LPIN1: variants seen among roughly 807,000 people sequenced by gnomAD.
The protein encoded by LPIN1 is lipin 1.
A neutral mutation model predicts 107.5 loss-of-function variants in LPIN1; 71 were observed. The observed-to-expected ratio is 0.66, with a 90% CI of 0.55 to 0.80. LPIN1 has a LOEUF of 0.80. LPIN1 is among the 30% of genes least tolerant of loss of function. The probability of loss-of-function intolerance (pLI) is 0.00; values close to 1 mark genes in which losing one functional copy is unlikely to be tolerated. For missense variants in LPIN1, 1,043 were observed against 1,160.6 expected (o/e 0.90, Z 1.47); for synonymous variants, 445 against 452.6 (o/e 0.98, Z 0.21).
At chr2:11,702,395 G>A (rs997841833) in intron 1 of LPIN1, among the ~76,000 whole-genome samples, 5 of 152,162 alleles carry the variant, frequency 3.3e-5, no homozygotes, top group African/African-American at 7.2e-5. Context: ...GACAAAAGAG[G>A]TGATTGGGGT....
chr2:11,728,906 A>T (rs1377899782), intron 1 of LPIN1, among the ~76,000 whole-genome samples: 1 of 152,164 alleles, frequency 6.6e-6, no homozygotes, highest in African/African-American at 2.4e-5. Context: ...TTAGACCTTC[A>T]TGAGATGAGT....
chr2:11,723,291 T>G (rs982114758), upstream of LPIN1, among the ~76,000 whole-genome samples: 19 of 152,200 alleles, frequency 1.2e-4, no homozygotes, highest in Non-Finnish European at 2.1e-4. Flanking sequence ...GATTTGGTAC[T>G]AGGCATAGTG....
intron 1 of LPIN1, among the ~76,000 whole-genome samples, chr2:11,730,167 T>C (rs1207981558): frequency 1.3e-5 from 2 of 152,200 alleles, no homozygotes; most frequent in African/African-American, 4.8e-5. Flanking sequence ...GGTTCCTTTT[T>C]TTGTTCTCAC....
rs1359935082 is a variant in LPIN1 at position 11,804,428 on chromosome 2, C to G, written c.2019C>G (p.Ser673Arg). Reference protein sequence around the residue: ...TLRLTSEQLKSLKLKNGPNDV... With the variant: ...TLRLTSEQLKRLKLKNGPNDV... ...TAATGGTTCATGTTTTTCAGAAAAG[C>G]TTGAAGTTGAAGAATGGCCCCAACG... Residue 673 changes from serine to arginine, a missense_variant, in exon 16 of 21, where the codon AGC (serine) becomes AGG (arginine). Physicochemically the swap from Ser to Arg is moderately radical, Grantham distance 110 (BLOSUM62 -1). Transcript: ENST00000674199. The G allele has an allele frequency of 6.2e-7, 1 of 1,614,208 alleles. No homozygotes were observed. Among genetic ancestry groups the G allele is most frequent in the Admixed American group, 1.7e-5 (1 of 60,028 alleles).
Position 11,759,133 on chromosome 2 carries a change from T to TTTCC in LPIN1, c.-9-6398_-9-6397insCCTT, listed in dbSNP as rs1487717396. 1.1e-4 allele frequency among the ~76,000 whole-genome samples: 14 copies of TTTCC among 131,640 alleles called. No individual in the cohort carries two copies. In the East Asian group the frequency reaches 1.1e-3, roughly 10 times the overall value. The allele number at this position is 131,640 out of a possible 152,430, so 86.4% of individuals were successfully genotyped here. On this transcript the variant is annotated intron_variant, in intron 1 of 20. Coordinates refer to ENST00000674199, the MANE Select transcript of LPIN1 (RefSeq NM_001349206.2). ...TGAGCTAGCTAGCTTGCTTTCTTTC[T>TTTCC]TTTCTTTCTTTCTTTCTTTCTTTCT...
At chr2:11,735,139 A>C (rs968914045) in intron 1 of LPIN1, among the ~76,000 whole-genome samples, 2 of 152,118 alleles carry the variant, frequency 1.3e-5, no homozygotes, top group Non-Finnish European at 2.9e-5. Context: ...TAAAAATACA[A>C]AAATTAGCCG....
At position 11,784,894 on chromosome 2, in the gene LPIN1, C is replaced by T; in HGVS notation, c.1367C>T (p.Pro456Leu). Residue 456 changes from proline to leucine, a missense_variant, in exon 10 of 21, where the codon CCT becomes CTT. Coordinates refer to ENST00000674199, the MANE Select transcript of LPIN1 (RefSeq NM_001349206.2). ...AALYFPKNGD[P>L]SGLAKHASDN... ...GCTTTTCCTCCTTCCAGCGGAGATC[C>T]TTCCGGACTCGCAAAACATGCAAGC... 6 of 1,613,982 alleles carry T rather than the reference C, an allele frequency of 3.7e-6. No individual in the cohort carries two copies. Among genetic ancestry groups the T allele is most frequent in the African/African-American group, 2.7e-5 (2 of 75,070 alleles).
intron 17 of LPIN1, among the ~76,000 whole-genome samples, chr2:11,812,934 C>T (rs1679931486): frequency 6.6e-6 from 1 of 152,106 alleles, no homozygotes; most frequent in Non-Finnish European, 1.5e-5. Context: ...CAGAGGGGAC[C>T]TGCTGATTGT....
intron 1 of LPIN1, among the ~76,000 whole-genome samples, chr2:11,712,951 T>C (rs751772365): frequency 6.6e-6 from 1 of 152,232 alleles, no homozygotes; most frequent in African/African-American, 2.4e-5. Flanking sequence ...TTTGCCCTTT[T>C]GCCTAAATGA....
In LPIN1 at chr2:11,706,250, G is replaced by A. The variant is rs187096935; in HGVS notation, c.82-7506G>A. Among the ~76,000 whole-genome samples, 443 of 152,296 alleles carry A rather than the reference G, an allele frequency of 2.9e-3. 9 individuals are homozygous for A. Among genetic ancestry groups the A allele is most frequent in the Admixed American group, 0.026 (398 of 15,302 alleles). On this transcript the variant is annotated intron_variant, in intron 1 of 21. Transcript: ENST00000449576. ...GATTGTGTTACAAAAAGAAGACTTC[G>A]GCTGCAGCAAGGCGAGTGAACTGCA...
upstream of LPIN1, among the ~76,000 whole-genome samples, chr2:11,722,810 C>T (rs1664246406): frequency 1.3e-5 from 2 of 152,224 alleles, no homozygotes; most frequent in South Asian, 4.1e-4. Context: ...GAAAATACTA[C>T]AGAAGAGCCT....
At chr2:11,735,751 A>T (rs777238986) in intron 1 of LPIN1, among the ~76,000 whole-genome samples, 10 of 152,254 alleles carry the variant, frequency 6.6e-5, no homozygotes, top group Non-Finnish European at 4.4e-5. Context: ...ATATAGGCAA[A>T]CAGCATTTAC....
intron 1 of LPIN1, among the ~76,000 whole-genome samples, chr2:11,753,491 T>C (rs115414528): frequency 6.6e-6 from 1 of 152,194 alleles, no homozygotes; most frequent in Admixed American, 6.5e-5. Flanking sequence ...CAGGACAGTT[T>C]AACCACAGGG....
At chr2:11,787,405 T>C (rs1572828815) in intron 11 of LPIN1, among the ~76,000 whole-genome samples, 1 of 142,958 alleles carries the variant, frequency 7.0e-6, no homozygotes, top group Non-Finnish European at 1.5e-5. Context: ...TTTCTTTTTT[T>C]TTTTTTTTTT....
Position 11,802,952 on chromosome 2 carries a change from C to A in LPIN1, c.1932C>A (p.Ala644=), listed in dbSNP as rs761338818. The A allele has an allele frequency of 3.1e-6, 5 of 1,613,380 alleles. No homozygotes were observed. The highest frequency in any genetic ancestry group is 3.4e-6 in the Non-Finnish European group (4 of 1,180,024). ...SSSSDEERAA[A]KPSNAGHLPL... ...CCAGTGATGAGGAGCGCGCAGCTGC[C>A]AAGCCATCAAACGCAGGCCACCTCC... is the stretch of plus-strand genomic sequence containing the variant. Residue 644 remains alanine, a synonymous_variant, in exon 15 of 21, where the codon GCC becomes GCA. Coordinates refer to ENST00000674199, the MANE Select transcript of LPIN1 (RefSeq NM_001349206.2).
intron 13 of LPIN1, 57 bp from the exon 14 acceptor site, chr2:11,795,351 G>A: frequency 6.9e-7 from 1 of 1,440,690 alleles, no homozygotes; most frequent in Non-Finnish European, 9.8e-7. Flanking sequence ...AACACCGGCT[G>A]TCTGCAAGCC....
Position 11,820,448 on chromosome 2 carries a change from A to G in LPIN1, c.2555A>G (p.Asn852Ser). The G allele has an allele frequency of 1.2e-6, 2 of 1,613,680 alleles. No homozygotes were observed. The highest frequency in any genetic ancestry group is 2.2e-5 in the South Asian group (2 of 91,070). ...TACAAGCAAGTAGGAGTGTCTTTGA[A>G]TAGAATATTTACCGTCAACCCTAAA... ...YSYKQVGVSLNRIFTVNPKGE... is the reference protein window; with the variant it reads ...YSYKQVGVSLSRIFTVNPKGE... The change falls in exon 20 of 21, where the codon AAT becomes AGT. Residue 852 changes from asparagine (N) to serine (S), a missense_variant. Physicochemically the swap from Asn to Ser is conservative, Grantham distance 46 (BLOSUM62 1). Coordinates refer to ENST00000674199, the MANE Select transcript of LPIN1 (RefSeq NM_001349206.2).
chr2:11,723,170 T>C (rs900129444), upstream of LPIN1, among the ~76,000 whole-genome samples: 1 of 152,238 alleles, frequency 6.6e-6, no homozygotes, highest in Admixed American at 6.5e-5. Flanking sequence ...AGGTTTTGTA[T>C]GCCTGGAAGA....
chr2:11,807,970 G>A (rs1462189140), intron 17 of LPIN1, among the ~76,000 whole-genome samples: 1 of 152,106 alleles, frequency 6.6e-6, no homozygotes, highest in Non-Finnish European at 1.5e-5. Context: ...CTAATCCAGC[G>A]ACTCTGTTCC....
Sources: allele counts gnomAD v4.1 joint callset (sites outside exome capture counted in the v4.1 genomes callset), GRCh38; gene constraint gnomAD v4.1.1; transcripts MANE v1.5; gene names NCBI Gene and HGNC (gene_info 2026-07-23, HGNC 2026-07-21).